Variants in LRRC4C observed in about 807,000 individuals in gnomAD.
The protein encoded by LRRC4C is leucine rich repeat containing 4C.
LRRC4C carries 5 observed loss-of-function variants against 33.6 expected under a neutral mutation model. The observed-to-expected ratio is 0.15, with a 90% CI of 0.08 to 0.31. The LOEUF (loss-of-function observed/expected upper bound fraction) is 0.31, where lower values mean the gene tolerates loss of function less well. LRRC4C is among the 10% of genes least tolerant of loss of function. The pLI is 1.00. For missense variants in LRRC4C, 560 were observed against 796.7 expected, an observed-to-expected ratio of 0.70 and a Z score of 3.58; for synonymous variants, 329 against 302.0, an observed-to-expected ratio of 1.09 and a Z score of -0.93.
At chr11:40,208,211 C>T (rs945570985) in intron 5 of LRRC4C, among the ~76,000 whole-genome samples, 1 of 152,088 alleles carries the variant, frequency 6.6e-6, no homozygotes, top group Non-Finnish European at 1.5e-5. Context: ...CAAGCAGACG[C>T]TATACCAGTT....
At chr11:40,750,621 A>G (rs577392903) in intron 2 of LRRC4C, among the ~76,000 whole-genome samples, 2 of 132,534 alleles carry the variant, frequency 1.5e-5, no homozygotes, top group South Asian at 5.0e-4. Flanking sequence ...ACATGGACAC[A>G]GGAAGAGGAA....
At chr11:40,327,319 C>CT (rs1946148853) in intron 3 of LRRC4C, among the ~76,000 whole-genome samples, 1 of 31,670 alleles carries the variant, frequency 3.2e-5, no homozygotes, top group African/African-American at 6.1e-5. Flanking sequence ...ATAGAGAGGC[C>CT]ATTTTTTTCA....
intron 1 of LRRC4C, among the ~76,000 whole-genome samples, chr11:41,129,177 A>G (rs1942894194): frequency 6.6e-6 from 1 of 151,944 alleles, no homozygotes. Context: ...AATAGAATTA[A>G]AAAAGAAAAC....
At chr11:41,395,009 C>CT (rs1451419817) in intron 1 of LRRC4C, among the ~76,000 whole-genome samples, 2 of 151,930 alleles carry the variant, frequency 1.3e-5, no homozygotes, top group African/African-American at 4.8e-5. Context: ...GGCAGCTAGG[C>CT]TTCAATAATG....
chr11:40,480,658 A>G (rs574205217), intron 3 of LRRC4C, among the ~76,000 whole-genome samples: 244 of 152,242 alleles, frequency 1.6e-3, no homozygotes, highest in Non-Finnish European at 2.6e-3. Context: ...GTATGTATAG[A>G]CACAGATTCT....
At chr11:40,377,827 G>T (rs928326835) in intron 3 of LRRC4C, among the ~76,000 whole-genome samples, 7 of 152,050 alleles carry the variant, frequency 4.6e-5, no homozygotes, top group African/African-American at 1.7e-4. Context: ...TCATTATCTA[G>T]AAATATTTTT....
intron 5 of LRRC4C, among the ~76,000 whole-genome samples, chr11:40,197,655 T>C (rs1228982011): frequency 6.6e-6 from 1 of 152,194 alleles, no homozygotes; most frequent in East Asian, 1.9e-4. Context: ...CCCCATGACA[T>C]AGTCCACAGG....
intron 1 of LRRC4C, among the ~76,000 whole-genome samples, chr11:41,271,804 G>A (rs949333007): frequency 2.0e-5 from 3 of 152,016 alleles, no homozygotes; most frequent in Non-Finnish European, 4.4e-5. Flanking sequence ...TTTGTTTATT[G>A]AATGAAAGCA....
chr11:41,445,077 A>G (rs972224265), intron 1 of LRRC4C, among the ~76,000 whole-genome samples: 5 of 152,172 alleles, frequency 3.3e-5, no homozygotes, highest in African/African-American at 1.2e-4. Context: ...TGCTGGGATT[A>G]CAGGCATGAG....
At chr11:40,589,805 C>T (rs1284135354) in intron 3 of LRRC4C, among the ~76,000 whole-genome samples, 5 of 148,972 alleles carry the variant, frequency 3.4e-5, no homozygotes, top group African/African-American at 4.9e-5. Context: ...GAATATTGGC[C>T]CCCACTCTCT....
chr11:41,167,207 T>C (rs547259449), intron 1 of LRRC4C, among the ~76,000 whole-genome samples: 14 of 152,306 alleles, frequency 9.2e-5, no homozygotes, highest in African/African-American at 3.4e-4. Flanking sequence ...AGATCTTTCA[T>C]GTAGCACAGT....
intron 1 of LRRC4C, among the ~76,000 whole-genome samples, chr11:41,173,550 T>A (rs1374242923): frequency 6.6e-6 from 1 of 152,134 alleles, no homozygotes; most frequent in Non-Finnish European, 1.5e-5. Flanking sequence ...TTACTTCAAG[T>A]GAGTTTGTTT....
chr11:40,862,485 G>A (rs2135857793), intron 2 of LRRC4C, among the ~76,000 whole-genome samples: 1 of 152,246 alleles, frequency 6.6e-6, no homozygotes, highest in Admixed American at 6.5e-5. Flanking sequence ...ATCCAAATAT[G>A]CTTCTGTGGT....
At chr11:40,812,370 AT>A (rs1951526516) in intron 2 of LRRC4C, among the ~76,000 whole-genome samples, 2 of 152,204 alleles carry the variant, frequency 1.3e-5, no homozygotes, top group African/African-American at 4.8e-5. Context: ...TTGTGAATGT[AT>A]CAGCAGATTA....
intron 1 of LRRC4C, among the ~76,000 whole-genome samples, chr11:41,034,209 T>C (rs1590304845): frequency 6.6e-6 from 1 of 151,900 alleles, no homozygotes; most frequent in South Asian, 2.1e-4. Flanking sequence ...GTGGCTTTAT[T>C]ATGAAAGCAA....
intron 3 of LRRC4C, among the ~76,000 whole-genome samples, chr11:40,625,112 G>A (rs1379286354): frequency 6.6e-6 from 1 of 152,112 alleles, no homozygotes; most frequent in East Asian, 1.9e-4. Context: ...AACATTTTAA[G>A]TAGGGTACTC....
intron 3 of LRRC4C, among the ~76,000 whole-genome samples, chr11:40,397,431 TA>T (rs1949586353): frequency 6.6e-6 from 1 of 152,074 alleles, no homozygotes; most frequent in Non-Finnish European, 1.5e-5. Context: ...AAAAACGTTT[TA>T]AAAACTTAGA....
intron 1 of LRRC4C, among the ~76,000 whole-genome samples, chr11:41,139,910 C>T (rs1318124675): frequency 6.6e-6 from 1 of 152,090 alleles, no homozygotes; most frequent in Non-Finnish European, 1.5e-5. Context: ...TTTGAATTGC[C>T]TTGCTCTAAG....
chr11:41,037,473 A>G (rs1404087838), intron 1 of LRRC4C, among the ~76,000 whole-genome samples: 1 of 151,850 alleles, frequency 6.6e-6, no homozygotes, highest in Non-Finnish European at 1.5e-5. Flanking sequence ...CCAAAGTGTG[A>G]GATTACAGGT....
Sources: allele counts gnomAD v4.1 joint callset (sites outside exome capture counted in the v4.1 genomes callset), GRCh38; gene constraint gnomAD v4.1.1; transcripts MANE v1.5; gene names NCBI Gene and HGNC (gene_info 2026-07-23, HGNC 2026-07-21).